Variants in MAPK8IP3 observed in about 807,000 individuals in gnomAD.
The protein encoded by MAPK8IP3 is C-Jun-amino-terminal kinase-interacting protein 3.
A neutral mutation model predicts 157.8 loss-of-function variants in MAPK8IP3; 49 were observed. The observed-to-expected ratio is 0.31, with a 90% CI of 0.25 to 0.39. The LOEUF is 0.39. Among genes scored for constraint, MAPK8IP3 ranks in the 10% least tolerant of loss-of-function variants. The pLI, the probability that MAPK8IP3 is intolerant of heterozygous loss-of-function variation, is 1.00. For synonymous variants in MAPK8IP3, 897 were observed against 777.7 expected (o/e 1.15, Z -2.55); for missense variants, 1,478 against 1,889.4 (o/e 0.78, Z 4.04).
Position 1,766,594 on chromosome 16 carries a change from C to G in MAPK8IP3, c.2885C>G (p.Thr962Arg), listed in dbSNP as rs1000170559. The stretch of plus-strand genomic sequence containing the variant: ...GAGCCAGAGCCCAGCGGGGACCCCA[C>G]GGGAGCAGGCAGCAGTGCTGCACCC... ...RPEPEPSGDPTGAGSSAAPTM... is the reference protein window; with the variant it reads ...RPEPEPSGDPRGAGSSAAPTM... The change falls in exon 23 of 32, where the codon ACG (threonine) becomes AGG (arginine). Residue 962 changes from threonine to arginine, a missense_variant. Physicochemically the swap from Thr to Arg is moderately conservative, Grantham distance 71. Around this residue, in one of 11 missense-constraint regions of MAPK8IP3, gnomAD observed 669 missense variants for 759.8 expected, o/e 0.88. Transcript: ENST00000610761. 3 of 1,612,270 alleles carry G rather than the reference C, an allele frequency of 1.9e-6. No individual in the cohort carries two copies. The highest frequency in any genetic ancestry group is 1.7e-5 in the Admixed American group (1 of 59,980).
rs1343268447 is a variant in MAPK8IP3 at position 1,710,804 on chromosome 16, A to G, written c.318+4147A>G. Among the ~76,000 whole-genome samples, 1 of 152,274 alleles carries G rather than the reference A, an allele frequency of 6.6e-6. No homozygotes were observed. The highest frequency in any genetic ancestry group is 1.5e-5 in the Non-Finnish European group (1 of 68,046). ...TTTTTAAAAAATGTTTTTTAAATGA[A>G]GCTATCAAGATGGGGCTGCCAGAGC... is the stretch of plus-strand genomic sequence containing the variant. On this transcript the variant is annotated intron_variant, in intron 1 of 31. Coordinates refer to ENST00000610761, the MANE Select transcript of MAPK8IP3 (RefSeq NM_001318852.2). The surrounding 1 kb of genome is among the most constrained non-coding windows in gnomAD (Gnocchi z 4.1).
At chr16:1,739,312 G>GCATC (rs2040428274) in intron 4 of MAPK8IP3, among the ~76,000 whole-genome samples, 2 of 138,930 alleles carry the variant, frequency 1.4e-5, no homozygotes, top group Admixed American at 7.2e-5. Flanking sequence ...GTCCGTGTGA[G>GCATC]TGTGTGACCA....
intron 19 of MAPK8IP3, 122 bp from the exon 20 acceptor site, chr16:1,764,891 C>T (rs935443098): frequency 1.7e-5 from 16 of 932,816 alleles, no homozygotes; most frequent in Non-Finnish European, 2.4e-5. Flanking sequence ...GGAGGACAGC[C>T]ATGTCCCCTC....
Position 1,762,737 on chromosome 16 carries a change from C to T in MAPK8IP3, c.1727+6C>T. 7 of 1,578,552 alleles carry T rather than the reference C, an allele frequency of 4.4e-6. No homozygotes were observed. Among genetic ancestry groups the T allele is most frequent in the Non-Finnish European group, 6.0e-6 (7 of 1,160,270 alleles). ...AAGTCGACCATCTGGCAGTTGTAAG[C>T]TGGGGGCCCCTGGGGGATGTGGGCA... On this transcript the variant is annotated splice_donor_region_variant and intron_variant, in intron 15 of 31. Coordinates refer to ENST00000610761, the MANE Select transcript of MAPK8IP3 (RefSeq NM_001318852.2).
intron 20 of MAPK8IP3, among the ~76,000 whole-genome samples, chr16:1,765,389 C>G (rs1295270129): frequency 6.6e-6 from 1 of 152,226 alleles, no homozygotes. Context: ...GCCTCTTCTC[C>G]CTACCTACTC....
intron 4 of MAPK8IP3, among the ~76,000 whole-genome samples, chr16:1,732,280 G>A (rs2039366671): frequency 6.6e-6 from 1 of 152,202 alleles, no homozygotes; most frequent in Non-Finnish European, 1.5e-5. Context: ...CCACAGCCAG[G>A]GCTGCGATGG....
intron 4 of MAPK8IP3, among the ~76,000 whole-genome samples, chr16:1,737,839 CGTGT>C (rs766092742): frequency 7.6e-5 from 5 of 65,854 alleles, no homozygotes; most frequent in African/African-American, 1.3e-4. Context: ...CGTGACTGTC[CGTGT>C]GTGTGACCAT....
chr16:1,707,525 G>C (rs2037479143), intron 1 of MAPK8IP3: 1 of 152,320 alleles, frequency 6.6e-6, no homozygotes, highest in Admixed American at 6.5e-5. Flanking sequence ...CTGTGAAGCA[G>C]TTACAAGAGC....
Position 1,748,205 on chromosome 16 carries a change from C to A in MAPK8IP3, c.995-39C>A, listed in dbSNP as rs762665380. ...CGTGAGCAGGGCAGAGGCTGCCAGA[C>A]CCTCTCCTGACCCCAGGTGCCCCTG... is the stretch of plus-strand genomic sequence containing the variant. On this transcript the variant is annotated intron_variant, in intron 6 of 31. Transcript: ENST00000610761. 33 of 1,498,602 alleles carry A rather than the reference C, an allele frequency of 2.2e-5. No individual in the cohort carries two copies. In the African/African-American group the frequency reaches 4.1e-4, roughly 19 times the overall value. The allele number at this position is 1,498,602 out of a possible 1,614,324, so 92.8% of individuals were successfully genotyped here. A position where few individuals can be genotyped will look rare whatever the true frequency, so the allele number is the denominator to read the frequency against.
chr16:1,742,201 T>A lies in MAPK8IP3; in HGVS notation c.603-1131T>A, dbSNP rs923044976. 6.6e-6 allele frequency among the ~76,000 whole-genome samples: 1 copy of A among 152,160 alleles called. No individual in the cohort carries two copies. Among genetic ancestry groups the A allele is most frequent in the South Asian group, 2.1e-4 (1 of 4,834 alleles). On this transcript the variant is annotated intron_variant, in intron 4 of 31. Coordinates refer to ENST00000610761, the MANE Select transcript of MAPK8IP3 (RefSeq NM_001318852.2). This position sits in a 1 kb window ranked among gnomAD's most constrained non-coding sequence, Gnocchi z 5.0. Reference sequence around the variant, plus strand: ...GAGGAGGTGAGGAGCCAGCCTGGCCTCTGGGACCTCTGGGCTGTTGACTGG... The same window carrying A: ...GAGGAGGTGAGGAGCCAGCCTGGCCACTGGGACCTCTGGGCTGTTGACTGG...
At chr16:1,761,775 G>A (rs896370672) in intron 13 of MAPK8IP3, among the ~76,000 whole-genome samples, 6 of 151,512 alleles carry the variant, frequency 4.0e-5, no homozygotes, top group Admixed American at 6.6e-5. Flanking sequence ...ATTCACACGT[G>A]GGGCAGCCAT....
rs2038693339 is a variant in MAPK8IP3, at chr16:1,723,795, G to T, written c.319-762G>T. On this transcript the variant is annotated intron_variant, in intron 1 of 31. Coordinates refer to ENST00000610761, the MANE Select transcript of MAPK8IP3 (RefSeq NM_001318852.2). ...GGCATCGATGCCCGGCCACACCTGG[G>T]GCCTCACTGGCCCCCAGGCTCCTCA... 2.6e-5 allele frequency among the ~76,000 whole-genome samples: 4 copies of T among 152,082 alleles called. No homozygotes were observed. In the South Asian group the frequency reaches 8.3e-4, roughly 32 times the overall value.
intron 9 of MAPK8IP3, 115 bp downstream of exon 9, chr16:1,758,274 C>T: frequency 8.2e-7 from 1 of 1,221,214 alleles, no homozygotes; most frequent in Non-Finnish European, 1.2e-6. Context: ...CCCCACGTCG[C>T]CGCAGCGCCT....
At chr16:1,767,960 A>C (rs1000656669) in intron 28 of MAPK8IP3, 42 bp downstream of exon 28, 12 of 1,606,880 alleles carry the variant, frequency 7.5e-6, no homozygotes, top group African/African-American at 2.7e-5. Flanking sequence ...GTGCTGCCAG[A>C]GGTGTACGTG....
At chr16:1,744,107 G>A in intron 5 of MAPK8IP3, 2 of 985,926 alleles carry the variant, frequency 2.0e-6, no homozygotes, top group Non-Finnish European at 2.4e-6. Flanking sequence ...AGAGCACAGG[G>A]GCCCAGAGCC....
At chr16:1,729,973 C>T (rs1420419589) in intron 4 of MAPK8IP3, among the ~76,000 whole-genome samples, 1 of 144,054 alleles carries the variant, frequency 6.9e-6, no homozygotes, top group Non-Finnish European at 1.5e-5. Context: ...CTTTGGGAGG[C>T]CAAGGCAGGA....
chr16:1,741,276 C>T lies in MAPK8IP3; in HGVS notation c.603-2056C>T, dbSNP rs1362134392. Among the ~76,000 whole-genome samples, 2 of 152,128 alleles carry T rather than the reference C, an allele frequency of 1.3e-5. No homozygotes were observed. Among genetic ancestry groups the T allele is most frequent in the African/African-American group, 4.8e-5 (2 of 41,418 alleles). On this transcript the variant is annotated intron_variant, in intron 4 of 31. Coordinates refer to ENST00000610761, the MANE Select transcript of MAPK8IP3 (RefSeq NM_001318852.2). This position sits in a 1 kb window ranked among gnomAD's most constrained non-coding sequence, Gnocchi z 6.9. ...GAGCTGCGAGGACAAATCGGGAGGA[C>T]GGGGTCAGTCGGCAAACGCTCACGA...
chr16:1,746,308 C>T (rs1009412132), intron 5 of MAPK8IP3: 1 of 152,248 alleles, frequency 6.6e-6, no homozygotes, highest in Non-Finnish European at 1.5e-5. Flanking sequence ...CCGCATTAGT[C>T]ACATAGAATG....
At chr16:1,755,486 G>A (rs2041538795) in intron 8 of MAPK8IP3, among the ~76,000 whole-genome samples, 1 of 152,194 alleles carries the variant, frequency 6.6e-6, no homozygotes, top group African/African-American at 2.4e-5. Flanking sequence ...TTGTGCCACT[G>A]CACTCCAGCG....
Sources: allele counts gnomAD v4.1 joint callset (sites outside exome capture counted in the v4.1 genomes callset), GRCh38; gene constraint gnomAD v4.1.1; regional missense constraint gnomAD v4.1.1; non-coding constraint Gnocchi (gnomAD v3.1); transcripts MANE v1.5; gene names NCBI Gene and HGNC (gene_info 2026-07-23, HGNC 2026-07-21).